The following RBM39 variants were observed in gnomAD, a reference collection of about 807,000 sequenced individuals.
RBM39 encodes RNA-binding protein 39.
Under a neutral mutation model 79.6 loss-of-function variants are expected in RBM39, and 12 were observed. The ratio of observed to expected loss-of-function variants is 0.15; its 90% confidence interval spans 0.10 to 0.24. The LOEUF is 0.24. Ranked by LOEUF, RBM39 falls within the 10% of genes least tolerant of loss-of-function variation. The pLI is 1.00. For missense variants in RBM39, 243 were observed against 653.4 expected, an observed-to-expected ratio of 0.37 and a Z score of 6.85; for synonymous variants, 185 against 208.4, an observed-to-expected ratio of 0.89 and a Z score of 0.97.
chr20:35,741,037 T>C (rs1309781358), intron 1 of RBM39, 150 bp from the exon 2 acceptor site: 13 of 421,448 alleles, frequency 3.1e-5, no homozygotes, highest in African/African-American at 1.7e-4. Context: ...TTTCTTTTTT[T>C]TTTTTTTTTT....
rs1216480819 is a variant in RBM39 at position 35,701,378 on chromosome 20, C to T, written c.*3103G>A. ...CGATCTCGGCTTACCGCAACTTCTG[C>T]CTCCTGTGTTCAAGCGTTTCTCCTG... is the stretch of plus-strand genomic sequence containing the variant. On this transcript the variant is annotated 3_prime_UTR_variant, in exon 17 of 17. Coordinates refer to ENST00000253363, the MANE Select transcript of RBM39 (RefSeq NM_184234.3). The T allele has an allele frequency of 1.9e-5, 3 of 158,548 alleles. No individual in the cohort carries two copies. The highest frequency in any genetic ancestry group is 4.2e-5 in the Non-Finnish European group (3 of 71,820). 9.8% of individuals were successfully genotyped at this position (158,548 alleles called of 1,614,324 possible).
intron 4 of RBM39, 81 bp from the exon 5 acceptor site, chr20:35,729,608 T>A: frequency 8.0e-7 from 1 of 1,256,004 alleles, no homozygotes; most frequent in South Asian, 1.3e-5. Context: ...CCAGCAAGAC[T>A]AACATTGTTT....
At chr20:35,711,105 C>T (rs1164093656) in intron 12 of RBM39, among the ~76,000 whole-genome samples, 3 of 152,108 alleles carry the variant, frequency 2.0e-5, no homozygotes, top group Admixed American at 6.6e-5. Context: ...AGCAAATCAA[C>T]GTATCTGATA....
chr20:35,721,385 A>G (rs916416301), intron 9 of RBM39, among the ~76,000 whole-genome samples: 1 of 152,190 alleles, frequency 6.6e-6, no homozygotes, highest in African/African-American at 2.4e-5. Flanking sequence ...GTGAAGTGGC[A>G]TAATCATGGC....
intron 4 of RBM39, chr20:35,731,276 A>G (rs1013478596): frequency 6.6e-6 from 1 of 152,298 alleles, no homozygotes; most frequent in African/African-American, 2.4e-5. Context: ...GGTGGTTAAT[A>G]TAGTTATTTA....
chr20:35,723,478 G>A (rs983869750), intron 8 of RBM39, among the ~76,000 whole-genome samples: 4 of 152,088 alleles, frequency 2.6e-5, no homozygotes, highest in South Asian at 2.1e-4. Flanking sequence ...GGTTCTTGTC[G>A]CCCAGGCTGC....
intron 9 of RBM39, 75 bp from the exon 10 acceptor site, chr20:35,716,880 TA>T (rs1189948447): frequency 1.0e-6 from 1 of 989,476 alleles, no homozygotes; most frequent in Non-Finnish European, 1.5e-6. Context: ...GACATGGTTT[TA>T]AAAATCTACC....
At chr20:35,736,677 A>G (rs748609848) in intron 3 of RBM39, 8 of 441,978 alleles carry the variant, frequency 1.8e-5, no homozygotes, top group Non-Finnish European at 3.3e-5. Context: ...TTTGAGACGG[A>G]GTCTCGCTCT....
intron 13 of RBM39, chr20:35,708,853 C>A (rs896725464): frequency 5.7e-5 from 11 of 191,452 alleles, no homozygotes; most frequent in Non-Finnish European, 1.1e-4. Context: ...ACTAAGACAA[C>A]TTCCAGATTC....
intron 9 of RBM39, among the ~76,000 whole-genome samples, chr20:35,717,105 T>C: frequency 6.6e-6 from 1 of 151,718 alleles, no homozygotes; most frequent in Admixed American, 6.6e-5. Context: ...CATGACGAAA[T>C]CAGGTCTCCA....
rs1351224019 is a variant in RBM39 at position 35,701,638 on chromosome 20, C to T, written c.*2843G>A. The stretch of plus-strand genomic sequence containing the variant: ...GTGTGTTGACACGCGCCTGTATTCC[C>T]AGCTACTCGGGAGGCTGAGGCAGGA... On this transcript the variant is annotated 3_prime_UTR_variant, in exon 17 of 17. Coordinates refer to ENST00000253363, the MANE Select transcript of RBM39 (RefSeq NM_184234.3). The T allele has an allele frequency of 6.6e-6, 1 of 152,196 alleles. No homozygotes were observed. Among genetic ancestry groups the T allele is most frequent in the Non-Finnish European group, 1.5e-5 (1 of 68,128 alleles). The allele number at this position is 152,196 out of a possible 1,614,324, so 9.4% of individuals were successfully genotyped here. A position where few individuals can be genotyped will look rare whatever the true frequency, so the allele number is the denominator to read the frequency against.
chr20:35,724,171 A>G (rs566123577), intron 8 of RBM39, among the ~76,000 whole-genome samples: 1 of 152,090 alleles, frequency 6.6e-6, no homozygotes, highest in African/African-American at 2.4e-5. Flanking sequence ...ATCTCTACTA[A>G]AAACACAAAA....
At chr20:35,718,344 T>C (rs995557252) in intron 9 of RBM39, among the ~76,000 whole-genome samples, 2 of 150,568 alleles carry the variant, frequency 1.3e-5, no homozygotes, top group Admixed American at 1.3e-4. Context: ...AGTGGGACTA[T>C]GATAGGGATA....
chr20:35,738,392 TAC>T (rs768425580), intron 3 of RBM39, among the ~76,000 whole-genome samples: 2 of 152,212 alleles, frequency 1.3e-5, no homozygotes, highest in African/African-American at 2.4e-5. Context: ...AAATAAAGTG[TAC>T]AGATATATTC....
chr20:35,725,151 G>T lies in RBM39; in HGVS notation c.421C>A (p.Pro141Thr), dbSNP rs1453095494. 1.3e-6 allele frequency: 2 copies of T among 1,571,140 alleles called. No homozygotes were observed. Among genetic ancestry groups the T allele is most frequent in the Non-Finnish European group, 8.7e-7 (1 of 1,146,110 alleles). The change falls in exon 7 of 17, where the codon CCT becomes ACT. Residue 141 changes from proline to threonine, a missense_variant. This residue lies in a region of RBM39 where 115 missense variants were observed against 184.1 expected (regional missense o/e 0.62). Coordinates refer to ENST00000253363, the MANE Select transcript of RBM39 (RefSeq NM_184234.3). ...FRKDKSPVREPIDNLTPEERD... is the reference protein window; with the variant it reads ...FRKDKSPVRETIDNLTPEERD... ...TCCTCAGGAGTTAAATTATCAATAG[G>T]TTCTCTAATAGGAGTAAAACATATA... is the stretch of plus-strand genomic sequence containing the variant.
At chr20:35,721,665 C>T (rs2037957888) in intron 9 of RBM39, 75 bp downstream of exon 9, 3 of 1,494,772 alleles carry the variant, frequency 2.0e-6, no homozygotes, top group Non-Finnish European at 2.7e-6. Flanking sequence ...GATAACAAAG[C>T]AAGACATACA....
intron 12 of RBM39, among the ~76,000 whole-genome samples, chr20:35,710,818 G>C (rs950677282): frequency 6.6e-6 from 1 of 152,010 alleles, no homozygotes; most frequent in African/African-American, 2.4e-5. Flanking sequence ...TTATAGCAAG[G>C]CTAATAAAAC....
Position 35,713,086 on chromosome 20 carries a change from C to T in RBM39, c.1107G>A (p.Leu369=), listed in dbSNP as rs1359138029. 6.2e-7 allele frequency: 1 copy of T among 1,613,342 alleles called. No homozygotes were observed. Among genetic ancestry groups the T allele is most frequent in the Non-Finnish European group, 8.5e-7 (1 of 1,179,590 alleles). The change falls in exon 12 of 17, where the codon TTG becomes TTA. Residue 369 remains leucine, a synonymous_variant. Coordinates refer to ENST00000253363, the MANE Select transcript of RBM39 (RefSeq NM_184234.3). Reference sequence around the variant, plus strand: ...CTTGCTGTGCTGCTGGCGGAATCTGCAAACCTGTACCTGTAAAAGAATAGT... The same window carrying T: ...CTTGCTGTGCTGCTGGCGGAATCTGTAAACCTGTACCTGTAAAAGAATAGT... ...LMARLAEGTG[L]QIPPAAQQAL...
At position 35,741,987 on chromosome 20, in the gene RBM39, TTGCTGC is replaced by T. The variant is rs72096088; in HGVS notation, c.-66_-61del. Reference sequence around the variant, plus strand: ...TGTGGTGCTCGTGTTCGGGAAGAGATTGCTGCTGCTGCTGCTGCTGCTGCCGCCGCC... The same window carrying T: ...TGTGGTGCTCGTGTTCGGGAAGAGATTGCTGCTGCTGCTGCTGCCGCCGCC... On this transcript the variant is annotated 5_prime_UTR_variant, in exon 1 of 17. Transcript: ENST00000253363. 0.18 allele frequency: 45,261 copies of T among 247,168 alleles called. 5,924 individuals carry two copies. The highest frequency in any genetic ancestry group is 0.41 in the African/African-American group (17,143 of 42,098). 15.3% of individuals were successfully genotyped at this position (247,168 alleles called of 1,614,324 possible).
Sources: gnomAD v4.1 joint callset for allele counts (sites outside exome capture counted in the v4.1 genomes callset) on GRCh38, gnomAD v4.1.1 for gene constraint, gnomAD v4.1.1 regional missense constraint, MANE v1.5 for transcripts, NCBI Gene and HGNC (gene_info 2026-07-23, HGNC 2026-07-21) for gene names.